Variants in SPIC observed in about 807,000 individuals in gnomAD.
SPIC encodes Spi-C transcription factor, also known as transcription factor Spi-C.
Under a neutral mutation model 16.7 loss-of-function variants are expected in SPIC, and 9 were observed. The ratio of observed to expected loss-of-function variants is 0.54; its 90% CI spans 0.33 to 0.94. The LOEUF (loss-of-function observed/expected upper bound fraction) is 0.94. Ranked by LOEUF, SPIC falls within the 40% of genes least tolerant of loss-of-function variation. The pLI, the probability that SPIC is intolerant of heterozygous loss-of-function variation, is 0.03. For missense variants in SPIC, 241 were observed against 285.8 expected (o/e 0.84, Z 1.13); for synonymous variants, 97 against 102.9 (o/e 0.94, Z 0.35).
intron 4 of SPIC, among the ~76,000 whole-genome samples, chr12:101,481,439 G>A (rs958164044): frequency 2.0e-5 from 3 of 151,964 alleles, no homozygotes; most frequent in African/African-American, 7.3e-5. Flanking sequence ...TGCCTCCTGG[G>A]TTCAAGCGAT....
At chr12:101,476,193 T>C (rs1021469462) in intron 1 of SPIC, among the ~76,000 whole-genome samples, 1 of 152,180 alleles carries the variant, frequency 6.6e-6, no homozygotes, top group Non-Finnish European at 1.5e-5. Context: ...TGTTGGTCTA[T>C]AGAACGTAGA....
rs1873381398 is a variant in SPIC, at chr12:101,486,800, G to A, written c.*29G>A. The stretch of plus-strand genomic sequence containing the variant: ...TACTTTCATATTTCATGGTTTACTG[G>A]CATCGGAAATCTCTACAAGTTTTAA... On this transcript the variant is annotated 3_prime_UTR_variant, in exon 6 of 6. Transcript: ENST00000551346. 4 of 1,466,080 alleles carry A rather than the reference G, an allele frequency of 2.7e-6. No homozygotes were observed. The highest frequency in any genetic ancestry group is 1.4e-5 in the African/African-American group (1 of 71,154). The allele number at this position is 1,466,080 out of a possible 1,614,324, so 90.8% of individuals were successfully genotyped here.
chr12:101,482,860 G>T lies in SPIC; in HGVS notation c.279G>T (p.Gln93His), dbSNP rs545846528. The change falls in exon 5 of 6, where the codon CAG (glutamine) becomes CAT (histidine). Residue 93 changes from glutamine to histidine, a missense_variant. Gln to His is a conservative substitution (Grantham distance 24). Transcript: ENST00000551346. The stretch of plus-strand genomic sequence containing the variant: ...CTCTGCAGAACATAACTGAAAACCA[G>T]CTGGTACAACCCACTCTTCTCCAGC... ...HQSLQNITEN[Q>H]LVQPTLLQQK... The T allele has an allele frequency of 1.9e-6, 3 of 1,614,000 alleles. No individual in the cohort carries two copies. In the South Asian group the frequency reaches 3.3e-5, roughly 18 times the overall value.
At chr12:101,477,501 G>T in intron 2 of SPIC, 57 bp from the exon 3 acceptor site, 1 of 1,466,528 alleles carries the variant, frequency 6.8e-7, no homozygotes, top group East Asian at 2.3e-5. Context: ...TTAAATCAGG[G>T]AGATTAAGTT....
intron 3 of SPIC, 101 bp downstream of exon 3, chr12:101,477,752 C>G (rs148217204): frequency 9.5e-7 from 1 of 1,057,444 alleles, no homozygotes; most frequent in Admixed American, 1.9e-5. Context: ...TGCTGTGGCT[C>G]ACATCTGTAA....
In SPIC at chr12:101,479,222, AGG is replaced by A. The variant is rs1264642337; in HGVS notation, c.98-359_98-358del. ...AAAGAAAGAAAGAAAGAAAGAAAGA[AGG>A]AAAGAAAGAAAGAAAGAAAAAGAAA... is the stretch of plus-strand genomic sequence containing the variant. On this transcript the variant is annotated intron_variant, in intron 3 of 5. Coordinates refer to ENST00000551346, the MANE Select transcript of SPIC (RefSeq NM_152323.3). Among the ~76,000 whole-genome samples, 242 of 97,202 alleles carry A rather than the reference AGG, an allele frequency of 2.5e-3. 10 individuals are homozygous for A. The highest frequency in any genetic ancestry group is 4.6e-3 in the African/African-American group (122 of 26,738). 63.8% of individuals were successfully genotyped at this position (97,202 alleles called of 152,430 possible). A position where few individuals can be genotyped will look rare whatever the true frequency, so the allele number is the denominator to read the frequency against.
Position 101,476,864 on chromosome 12 carries a change from A to C in SPIC, c.-41A>C, listed in dbSNP as rs776739024. On this transcript the variant is annotated 5_prime_UTR_variant, in exon 2 of 6. Transcript: ENST00000551346. ...TATTTTATTTTATTTTCTTCAAGCAACAATTGCTAAGGAACAGAATTGTCA... is the reference window on the plus strand; with the variant it reads ...TATTTTATTTTATTTTCTTCAAGCACCAATTGCTAAGGAACAGAATTGTCA... 2 of 1,344,462 alleles carry C rather than the reference A, an allele frequency of 1.5e-6. No individual in the cohort carries two copies. Among genetic ancestry groups the C allele is most frequent in the South Asian group, 3.7e-5 (2 of 53,972 alleles). The allele number at this position is 1,344,462 out of a possible 1,614,324, so 83.3% of individuals were successfully genotyped here.
chr12:101,484,273 C>T (rs1350015108), intron 5 of SPIC, among the ~76,000 whole-genome samples: 1 of 152,046 alleles, frequency 6.6e-6, no homozygotes, highest in Non-Finnish European at 1.5e-5. Flanking sequence ...GTGGCTCATG[C>T]CTGTAATCCT....
Position 101,486,932 on chromosome 12 carries a change from T to A in SPIC, c.*161T>A, listed in dbSNP as rs1388177326. ...AAAATTAACTTTATTGTTGCTTTTA[T>A]CAAAGAGTATGTAATCTATACTAAC... On this transcript the variant is annotated 3_prime_UTR_variant, in exon 6 of 6. Transcript: ENST00000551346. The A allele has an allele frequency of 1.7e-6, 1 of 582,108 alleles. No individual in the cohort carries two copies. Among genetic ancestry groups the A allele is most frequent in the Non-Finnish European group, 2.8e-6 (1 of 354,074 alleles). The allele number at this position is 582,108 out of a possible 1,614,324, so 36.1% of individuals were successfully genotyped here.
rs1398886211 is a variant in SPIC, at chr12:101,479,705, G to A, written c.210+11G>A. ...TGGAGAACGGTAATTGTAAGTATCA[G>A]ACCATCCCTTAATAACAGGCAAATA... On this transcript the variant is annotated intron_variant, in intron 4 of 5. Transcript: ENST00000551346. The A allele has an allele frequency of 6.3e-7, 1 of 1,589,000 alleles. No individual in the cohort carries two copies. The highest frequency in any genetic ancestry group is 1.3e-5 in the African/African-American group (1 of 74,328).
At chr12:101,477,735 G>T in intron 3 of SPIC, 84 bp downstream of exon 3, 3 of 1,232,304 alleles carry the variant, frequency 2.4e-6, no homozygotes, top group South Asian at 1.3e-5. Flanking sequence ...ATGATCAGCT[G>T]ACCAGGTGCT....
chr12:101,475,410 A>C lies in SPIC; in HGVS notation c.-170A>C, dbSNP rs545385090. 6.6e-6 allele frequency: 1 copy of C among 152,240 alleles called. No individual in the cohort carries two copies. Among genetic ancestry groups the C allele is most frequent in the East Asian group, 1.9e-4 (1 of 5,182 alleles). The allele number at this position is 152,240 out of a possible 1,614,324, so 9.4% of individuals were successfully genotyped here. A position where few individuals can be genotyped will look rare whatever the true frequency, so the allele number is the denominator to read the frequency against. On this transcript the variant is annotated 5_prime_UTR_variant, in exon 1 of 6. Transcript: ENST00000551346. ...TTTTTCATCAGAGCCATTGCACTGGAAAATAATTTTTTATTTTCATGATAG... is the reference window on the plus strand; with the variant it reads ...TTTTTCATCAGAGCCATTGCACTGGCAAATAATTTTTTATTTTCATGATAG...
rs202044531 is a variant in SPIC, at chr12:101,479,604, A to T, written c.120A>T (p.Leu40Phe). 13 of 1,613,062 alleles carry T rather than the reference A, an allele frequency of 8.1e-6. No individual in the cohort carries two copies. The East Asian group carries it at 2.9e-4, about 36-fold the overall frequency. The change falls in exon 4 of 6, where the codon TTA (leucine) becomes TTT (phenylalanine). Residue 40 changes from leucine (L) to phenylalanine (F), a missense_variant. Coordinates refer to ENST00000551346, the MANE Select transcript of SPIC (RefSeq NM_152323.3). ...TAGATTACAGAAATTACCTGGCTTT[A>T]ATCAACCATCGTCCTCATGTCAAAG... ...YSPDYRNYLA[L>F]INHRPHVKGN...
chr12:101,475,980 T>C (rs1872946492), intron 1 of SPIC, among the ~76,000 whole-genome samples: 1 of 152,194 alleles, frequency 6.6e-6, no homozygotes, highest in Non-Finnish European at 1.5e-5. Flanking sequence ...ATATATAATA[T>C]TGGCATTAGA....
At chr12:101,480,319 A>C (rs2121252960) in intron 4 of SPIC, among the ~76,000 whole-genome samples, 1 of 152,356 alleles carries the variant, frequency 6.6e-6, no homozygotes, top group South Asian at 2.1e-4. Context: ...AATTGCAAAA[A>C]GTTTCCCCTA....
chr12:101,475,487 T>C lies in SPIC; in HGVS notation c.-93T>C, dbSNP rs1872930241. The C allele has an allele frequency of 6.6e-6, 1 of 152,190 alleles. No homozygotes were observed. The highest frequency in any genetic ancestry group is 1.9e-4 in the East Asian group (1 of 5,200). 9.4% of individuals were successfully genotyped at this position (152,190 alleles called of 1,614,324 possible). ...ATTAATGAAACATCTCTATAAAGGG[T>C]TGAAGTGTCTTCCCGGTAAGTTCTC... is the stretch of plus-strand genomic sequence containing the variant. On this transcript the variant is annotated 5_prime_UTR_variant, in exon 1 of 6. Transcript: ENST00000551346.
rs1565831148 is a variant in SPIC at position 101,479,228 on chromosome 12, G to GAA, written c.98-352_98-351dup. Among the ~76,000 whole-genome samples, 160 of 104,016 alleles carry GAA rather than the reference G, an allele frequency of 1.5e-3. 8 individuals are homozygous for GAA. The highest frequency in any genetic ancestry group is 5.2e-3 in the African/African-American group (140 of 26,810). The allele number at this position is 104,016 out of a possible 152,430, so 68.2% of individuals were successfully genotyped here. A position where few individuals can be genotyped will look rare whatever the true frequency, so the allele number is the denominator to read the frequency against. The stretch of plus-strand genomic sequence containing the variant: ...AGAAAGAAAGAAAGAAAGAAGGAAA[G>GAA]AAAGAAAGAAAGAAAAAGAAAGAAA... On this transcript the variant is annotated intron_variant, in intron 3 of 5. Coordinates refer to ENST00000551346, the MANE Select transcript of SPIC (RefSeq NM_152323.3).
intron 3 of SPIC, among the ~76,000 whole-genome samples, chr12:101,479,340 A>AAAGAAAGAAAGG (rs1873112201): frequency 6.7e-6 from 1 of 150,068 alleles, no homozygotes. Flanking sequence ...AGAAAGAAAG[A>AAAGAAAGAAAGG]AAGAAAGAAA....
Position 101,477,560 on chromosome 12 carries a change from G to A in SPIC, c.6G>A (p.Thr2=), listed in dbSNP as rs753515754. The A allele has an allele frequency of 5.0e-6, 8 of 1,613,612 alleles. No individual in the cohort carries two copies. In the East Asian group the frequency reaches 8.9e-5, roughly 18 times the overall value. Residue 2 remains threonine (T), a splice_region_variant and synonymous_variant, in exon 3 of 6, where the codon ACG becomes ACA. Transcript: ENST00000551346. The stretch of plus-strand genomic sequence containing the variant: ...GAATTCTATCATTGTTCCAACAGAC[G>A]TGTGTTGAACAAGACAAGCTGGGTC... The part of the protein sequence containing the change: M[T]CVEQDKLGQA...
Sources: allele counts gnomAD v4.1 joint callset (sites outside exome capture counted in the v4.1 genomes callset), GRCh38; gene constraint gnomAD v4.1.1; transcripts MANE v1.5; gene names NCBI Gene and HGNC (gene_info 2026-07-23, HGNC 2026-07-21).